CNNM3: variants seen among roughly 807,000 people sequenced by gnomAD.
The protein encoded by CNNM3 is cyclin and CBS domain divalent metal cation transport mediator 3, also known as metal transporter CNNM3.
In CNNM3, 47 loss-of-function variants were observed where a neutral mutation model predicts 57.1. The ratio of observed to expected loss-of-function variants is 0.82; its 90% CI spans 0.65 to 1.05. The LOEUF is 1.05. Ranked by LOEUF, CNNM3 falls within the 50% of genes least tolerant of loss-of-function variation. The pLI, the probability that CNNM3 is intolerant of heterozygous loss-of-function variation, is 0.00. For synonymous variants in CNNM3, 507 were observed against 478.2 expected, an observed-to-expected ratio of 1.06 and a Z score of -0.79; for missense variants, 957 against 973.7, an observed-to-expected ratio of 0.98 and a Z score of 0.23.
At position 96,826,979 on chromosome 2, in the gene CNNM3, C is replaced by T. The variant is rs747697303; in HGVS notation, c.1516C>T (p.Arg506Ter). ...CTTGGCCACCCAGCGCTTCCTGTCCCGAGGTGAGGCGGGAGGGTGGTCCAT... is the reference window on the plus strand; with the variant it reads ...CTTGGCCACCCAGCGCTTCCTGTCCTGAGGTGAGGCGGGAGGGTGGTCCAT... Reference protein sequence around the residue: ...LLLATQRFLSREVDVFSPLRI... With the variant: ...LLLATQRFLS Residue 506 changes from arginine (R) to a stop codon, truncating the protein, a stop_gained, in exon 3 of 8, where the codon CGA becomes TGA. Coordinates refer to ENST00000305510, the MANE Select transcript of CNNM3 (RefSeq NM_017623.5). LOFTEE classifies it high-confidence loss of function. 1.1e-5 allele frequency: 18 copies of T among 1,613,602 alleles called. No individual in the cohort carries two copies. The highest frequency in any genetic ancestry group is 1.4e-5 in the Non-Finnish European group (16 of 1,179,804).
intron 1 of CNNM3, among the ~76,000 whole-genome samples, chr2:96,823,058 C>G (rs1234920016): frequency 1.3e-5 from 2 of 152,194 alleles, no homozygotes; most frequent in Admixed American, 1.3e-4. Context: ...TGCCCTTGCT[C>G]TGTCCCTCTG....
intron 6 of CNNM3, 87 bp downstream of exon 6, chr2:96,828,787 A>G: frequency 6.4e-7 from 1 of 1,565,648 alleles, no homozygotes. Context: ...ACTGCCCGGA[A>G]CAAGGCCTTC....
At chr2:96,828,742 T>C in intron 6 of CNNM3, 42 bp downstream of exon 6, 1 of 1,611,904 alleles carries the variant, frequency 6.2e-7, no homozygotes, top group South Asian at 1.1e-5. Flanking sequence ...TTTAGCCGAC[T>C]TTGTGTCACC....
chr2:96,816,464 C>G lies in CNNM3; in HGVS notation c.187C>G (p.Leu63Val). Residue 63 changes from leucine to valine, a missense_variant, in exon 1 of 8, where the codon CTC (leucine) becomes GTC (valine). By Grantham distance (32) the Leu-to-Val change is conservative. This residue lies in a region of CNNM3 where 466 missense variants were observed against 403.1 expected (regional missense o/e 1.16). Transcript: ENST00000305510. ...AARDTPDATF[L>V]LRLFGPGFAN... The stretch of plus-strand genomic sequence containing the variant: ...GCGGGACACGCCGGACGCCACCTTC[C>G]TCCTGCGCCTCTTCGGCCCGGGCTT... 2.8e-6 allele frequency: 4 copies of G among 1,454,460 alleles called. No individual in the cohort carries two copies. Among genetic ancestry groups the G allele is most frequent in the East Asian group, 3.0e-5 (1 of 33,004 alleles). The allele number at this position is 1,454,460 out of a possible 1,614,324, so 90.1% of individuals were successfully genotyped here. A position where few individuals can be genotyped will look rare whatever the true frequency, so the allele number is the denominator to read the frequency against.
intron 3 of CNNM3, 98 bp downstream of exon 3, chr2:96,827,080 G>A: frequency 7.2e-7 from 1 of 1,381,082 alleles, no homozygotes; most frequent in Non-Finnish European, 9.9e-7. Context: ...CCCACTCCTA[G>A]CAGGCGGGTG....
rs141442711 is a variant in CNNM3 at position 96,828,048 on chromosome 2, C to T, written c.1690-51C>T. On this transcript the variant is annotated intron_variant, in intron 4 of 7. Transcript: ENST00000305510. ...GGTTTCTCCTTCCGCTGTCTTCTGA[C>T]GGGAAAGGTAATCTGGCCGCATCTG... 452 of 1,586,686 alleles carry T rather than the reference C, an allele frequency of 2.8e-4. 5 individuals are homozygous for T. The South Asian group carries it at 4.5e-3, about 16-fold the overall frequency.
Position 96,833,112 on chromosome 2 carries a change from TTG to T in CNNM3, c.*498_*499del. On this transcript the variant is annotated 3_prime_UTR_variant, in exon 8 of 8. Transcript: ENST00000305510. Reference sequence around the variant, plus strand: ...TGGCTGGGGGTTCAGATCGATGGCCTTGTCCATGTTGTCCTTTCTGGCTTCCC... The same window carrying T: ...TGGCTGGGGGTTCAGATCGATGGCCTTCCATGTTGTCCTTTCTGGCTTCCC... 1.2e-6 allele frequency: 1 copy of T among 820,200 alleles called. No individual in the cohort carries two copies. Among genetic ancestry groups the T allele is most frequent in the East Asian group, 6.4e-5 (1 of 15,746 alleles). 50.8% of individuals were successfully genotyped at this position (820,200 alleles called of 1,614,324 possible).
chr2:96,827,881 A>G lies in CNNM3; in HGVS notation c.1670A>G (p.Tyr557Cys). The G allele has an allele frequency of 6.2e-7, 1 of 1,613,096 alleles. No homozygotes were observed. Among genetic ancestry groups the G allele is most frequent in the South Asian group, 1.1e-5 (1 of 91,024 alleles). The change falls in exon 4 of 8, where the codon TAC becomes TGC. Residue 557 changes from tyrosine to cysteine, a missense_variant. Transcript: ENST00000305510. ...TACCAGCGCAGCCAGCCGGTGGATT[A>G]CTTCATTCTCATCCTGCAGGTAGCT... ...YLYQRSQPVDYFILILQGRVE... is the reference protein window; with the variant it reads ...YLYQRSQPVDCFILILQGRVE...
rs529730249 is a variant in CNNM3, at chr2:96,832,301, G to A, written c.2060-251G>A. 6 of 985,374 alleles carry A rather than the reference G, an allele frequency of 6.1e-6. No individual in the cohort carries two copies. The East Asian group carries it at 5.7e-4, about 93-fold the overall frequency. 61.0% of individuals were successfully genotyped at this position (985,374 alleles called of 1,614,324 possible). On this transcript the variant is annotated intron_variant, in intron 7 of 7. Transcript: ENST00000305510. The stretch of plus-strand genomic sequence containing the variant: ...GTATCGTCCCGGGAAGGTGCCTCTT[G>A]TTCAGCATAATGACCTGGGACCCTC...
rs2079670204 is a variant in CNNM3 at position 96,835,109 on chromosome 2, C to G, written c.*2493C>G. 6.6e-6 allele frequency among the ~76,000 whole-genome samples: 1 copy of G among 152,220 alleles called. No homozygotes were observed. Among genetic ancestry groups the G allele is most frequent in the South Asian group, 2.1e-4 (1 of 4,834 alleles). On this transcript the variant is annotated 3_prime_UTR_variant, in exon 8 of 8. Transcript: ENST00000305510. ...ACAAGGATCTCCCTCCCCACCTTCCCTAACTCCTGGTAACCACTAATCGTT... is the reference window on the plus strand; with the variant it reads ...ACAAGGATCTCCCTCCCCACCTTCCGTAACTCCTGGTAACCACTAATCGTT...
At chr2:96,817,684 A>C (rs905848167) in intron 1 of CNNM3, among the ~76,000 whole-genome samples, 182 bp downstream of exon 1, 1 of 152,094 alleles carries the variant, frequency 6.6e-6, no homozygotes, top group African/African-American at 2.4e-5. Flanking sequence ...GAAATACTTA[A>C]AGGCCATCGA....
intron 7 of CNNM3, chr2:96,831,948 TTCTC>T (rs1413341392): frequency 1.0e-6 from 1 of 981,172 alleles, no homozygotes; most frequent in Non-Finnish European, 1.2e-6. Flanking sequence ...CTCCTCTTCT[TTCTC>T]TCTCTGCTCT....
At chr2:96,819,293 G>GCAAC (rs2153353584) in intron 1 of CNNM3, among the ~76,000 whole-genome samples, 1 of 152,312 alleles carries the variant, frequency 6.6e-6, no homozygotes, top group East Asian at 1.9e-4. Context: ...GGCCAACATT[G>GCAAC]CAACCCTGGA....
Position 96,827,724 on chromosome 2 carries a change from C to T in CNNM3, c.1520-7C>T, listed in dbSNP as rs371647288. 18 of 1,606,408 alleles carry T rather than the reference C, an allele frequency of 1.1e-5. 1 individual carries two copies. Among genetic ancestry groups the T allele is most frequent in the South Asian group, 9.9e-5 (9 of 90,692 alleles). ...TGGACACTGTCCCTTTTTTCCACCACGTGCAGAAGTGGATGTATTCAGCCC... is the reference window on the plus strand; with the variant it reads ...TGGACACTGTCCCTTTTTTCCACCATGTGCAGAAGTGGATGTATTCAGCCC... On this transcript the variant is annotated splice_polypyrimidine_tract_variant and splice_region_variant and intron_variant, in intron 3 of 7. Coordinates refer to ENST00000305510, the MANE Select transcript of CNNM3 (RefSeq NM_017623.5).
downstream of CNNM3, chr2:96,837,340 A>C (rs376750173): frequency 5.3e-5 from 8 of 152,230 alleles, no homozygotes; most frequent in Non-Finnish European, 1.0e-4. Flanking sequence ...TGAACATGGC[A>C]TGTCTATTTA....
chr2:96,835,371 A>G lies in CNNM3; in HGVS notation c.*2755A>G, dbSNP rs960121804. The stretch of plus-strand genomic sequence containing the variant: ...GGCTATTCCAAATAAAGCTGCTACG[A>G]CTATTCATGTACAGGTTTCTGTGTC... On this transcript the variant is annotated 3_prime_UTR_variant, in exon 8 of 8. Transcript: ENST00000305510. Among the ~76,000 whole-genome samples the G allele has an allele frequency of 6.6e-6, 1 of 152,012 alleles. No individual in the cohort carries two copies. Among genetic ancestry groups the G allele is most frequent in the African/African-American group, 2.4e-5 (1 of 41,364 alleles).
intron 1 of CNNM3, among the ~76,000 whole-genome samples, chr2:96,819,506 C>G (rs1466840405): frequency 6.6e-6 from 1 of 152,176 alleles, no homozygotes; most frequent in Non-Finnish European, 1.5e-5. Flanking sequence ...TACTCCGGGA[C>G]AGGCTCTGCT....
chr2:96,833,165 C>A lies in CNNM3; in HGVS notation c.*549C>A. On this transcript the variant is annotated 3_prime_UTR_variant, in exon 8 of 8. Coordinates refer to ENST00000305510, the MANE Select transcript of CNNM3 (RefSeq NM_017623.5). ...TGATGGTGTCATGTTTCAGCGCATGCGCCCCAGCCTTTCCCATGTGCCAAA... is the reference window on the plus strand; with the variant it reads ...TGATGGTGTCATGTTTCAGCGCATGAGCCCCAGCCTTTCCCATGTGCCAAA... 2.0e-6 allele frequency: 1 copy of A among 488,656 alleles called. No individual in the cohort carries two copies. Among genetic ancestry groups the A allele is most frequent in the Non-Finnish European group, 3.5e-6 (1 of 285,686 alleles). 30.3% of individuals were successfully genotyped at this position (488,656 alleles called of 1,614,324 possible).
chr2:96,817,629 C>G (rs1474825588), intron 1 of CNNM3, 127 bp downstream of exon 1: 1 of 889,194 alleles, frequency 1.1e-6, no homozygotes, highest in Admixed American at 2.4e-5. Flanking sequence ...CCTCTAAGGT[C>G]CCTTTTCAAG....
Sources: gnomAD v4.1 joint callset for allele counts (sites outside exome capture counted in the v4.1 genomes callset) on GRCh38, gnomAD v4.1.1 for gene constraint, gnomAD v4.1.1 regional missense constraint, MANE v1.5 for transcripts, NCBI Gene and HGNC (gene_info 2026-07-23, HGNC 2026-07-21) for gene names.